EMB: variants seen among roughly 807,000 people sequenced by gnomAD.
EMB encodes embigin homolog.
A neutral mutation model predicts 41.4 loss-of-function variants in EMB; 31 were observed. That is an observed-to-expected ratio of 0.75 (90% confidence interval 0.56 to 1.01). EMB has a LOEUF of 1.01. Among genes scored for constraint, EMB ranks in the 50% least tolerant of loss-of-function variants. The pLI, the probability that EMB is intolerant of heterozygous loss-of-function variation, is 0.00. For synonymous variants in EMB, 137 were observed against 140.4 expected (o/e 0.98, Z 0.17); for missense variants, 379 against 388.3 (o/e 0.98, Z 0.20).
At chr5:50,421,519 A>G (rs1378919447) in intron 2 of EMB, among the ~76,000 whole-genome samples, 1 of 152,116 alleles carries the variant, frequency 6.6e-6, no homozygotes, top group Non-Finnish European at 1.5e-5. Context: ...TAGAAATACC[A>G]TTTGACCCAG....
rs535962998 is a variant in EMB at position 50,438,897 on chromosome 5, TCCTA to T, written c.112+2139_112+2142del. Among the ~76,000 whole-genome samples the T allele has an allele frequency of 1.8e-3, 278 of 151,056 alleles. 1 individual carries two copies. Among genetic ancestry groups the T allele is most frequent in the African/African-American group, 6.3e-3 (261 of 41,200 alleles). ...TTCATTTATTCCACTTTCATTTGTT[TCCTA>T]CCTTTTTTTTTTTTTTTCCTTTAGA... On this transcript the variant is annotated intron_variant, in intron 1 of 8. Transcript: ENST00000303221.
intron 1 of EMB, among the ~76,000 whole-genome samples, chr5:50,431,316 T>A (rs1745717262): frequency 6.6e-6 from 1 of 152,170 alleles, no homozygotes; most frequent in Non-Finnish European, 1.5e-5. Context: ...TAGGCAAGAT[T>A]TTTTTAACCA....
At chr5:50,436,570 C>T (rs1292046756) in intron 1 of EMB, among the ~76,000 whole-genome samples, 1 of 152,200 alleles carries the variant, frequency 6.6e-6, no homozygotes, top group African/African-American at 2.4e-5. Context: ...TCAAACATCA[C>T]CCATCTGCTG....
chr5:50,400,262 T>C, intron 7 of EMB, among the ~76,000 whole-genome samples: 1 of 152,116 alleles, frequency 6.6e-6, no homozygotes, highest in South Asian at 2.1e-4. Context: ...TGTGTGATAT[T>C]GGTGCTATAC....
intron 2 of EMB, among the ~76,000 whole-genome samples, chr5:50,419,749 A>G (rs1745487417): frequency 6.6e-6 from 1 of 152,184 alleles, no homozygotes; most frequent in East Asian, 1.9e-4. Context: ...TTGCAGCACT[A>G]TTCACGACAG....
intron 2 of EMB, among the ~76,000 whole-genome samples, chr5:50,417,721 G>C (rs1745452802): frequency 6.6e-6 from 1 of 152,144 alleles, no homozygotes; most frequent in Non-Finnish European, 1.5e-5. Flanking sequence ...GAACTATGTG[G>C]CTGGTGTTAT....
rs749613196 is a variant in EMB at position 50,403,343 on chromosome 5, G to C, written c.712C>G (p.Arg238Gly). The C allele has an allele frequency of 6.2e-7, 1 of 1,612,684 alleles. No individual in the cohort carries two copies. Among genetic ancestry groups the C allele is most frequent in the Non-Finnish European group, 8.5e-7 (1 of 1,179,194 alleles). Residue 238 changes from arginine (R) to glycine (G), a missense_variant, in exon 6 of 9, where the codon CGT becomes GGT. By Grantham distance (125) the Arg-to-Gly change is moderately radical. Coordinates refer to ENST00000303221, the MANE Select transcript of EMB (RefSeq NM_198449.3). ...CTCTCGCCTAATTGGAATAGTGCACGGCACCAGTAAGATTCCCCATCTTCC... is the reference window on the plus strand; with the variant it reads ...CTCTCGCCTAATTGGAATAGTGCACCGCACCAGTAAGATTCCCCATCTTCC... ...LEEDGESYWC[R>G]ALFQLGESEE...
chr5:50,422,095 T>A (rs1188597571), intron 2 of EMB, among the ~76,000 whole-genome samples: 1 of 152,178 alleles, frequency 6.6e-6, no homozygotes, highest in Non-Finnish European at 1.5e-5. Flanking sequence ...AAAATCTGTT[T>A]TTTTAAAAAG....
chr5:50,407,988 CT>C (rs2111785199), intron 4 of EMB, among the ~76,000 whole-genome samples: 1 of 152,068 alleles, frequency 6.6e-6, no homozygotes, highest in South Asian at 2.1e-4. Flanking sequence ...TTAGGTACCA[CT>C]AAATTAGGAA....
chr5:50,399,236 T>C lies in EMB; in HGVS notation c.*37A>G, dbSNP rs757508909. ...AAACAAAGCTGAAATACGAACTCTG[T>C]ATATCTTCCAATGATTCTCGACATG... On this transcript the variant is annotated 3_prime_UTR_variant, in exon 9 of 9. Transcript: ENST00000303221. 5 of 1,606,938 alleles carry C rather than the reference T, an allele frequency of 3.1e-6. No homozygotes were observed. The highest frequency in any genetic ancestry group is 3.4e-6 in the Non-Finnish European group (4 of 1,176,240).
In EMB at chr5:50,399,316, T is replaced by C. The variant is rs193193378; in HGVS notation, c.967-26A>G. The C allele has an allele frequency of 6.4e-4, 1,023 of 1,604,916 alleles. 3 individuals carry two copies. The African/African-American group carries it at 0.013, about 20-fold the overall frequency. On this transcript the variant is annotated intron_variant, in intron 8 of 8. Transcript: ENST00000303221. ...CTGAGTTAAATAAAGCATAATCAAATATAATTAGTATGTTCTGGTTATTTT... is the reference window on the plus strand; with the variant it reads ...CTGAGTTAAATAAAGCATAATCAAACATAATTAGTATGTTCTGGTTATTTT...
At chr5:50,415,333 C>T in intron 2 of EMB, among the ~76,000 whole-genome samples, 1 of 152,068 alleles carries the variant, frequency 6.6e-6, no homozygotes, top group East Asian at 1.9e-4. Context: ...TGTTTAACTG[C>T]CTTGATTCTA....
intron 6 of EMB, 109 bp downstream of exon 6, chr5:50,403,067 TAA>T (rs1745190738): frequency 1.9e-6 from 2 of 1,047,622 alleles, no homozygotes; most frequent in Non-Finnish European, 2.7e-6. Context: ...CCAAAAATCC[TAA>T]AGTCATTGCA....
intron 1 of EMB, among the ~76,000 whole-genome samples, chr5:50,431,076 A>C (rs1307323181): frequency 6.6e-6 from 1 of 152,220 alleles, no homozygotes; most frequent in Non-Finnish European, 1.5e-5. Flanking sequence ...TCAGACATCC[A>C]TAAACCAAAC....
chr5:50,422,834 G>A (rs947927698), intron 2 of EMB, among the ~76,000 whole-genome samples: 10 of 152,056 alleles, frequency 6.6e-5, no homozygotes, highest in Non-Finnish European at 7.4e-5. Context: ...AGCCTAGTAC[G>A]TGGGTCAGGG....
At chr5:50,412,576 GC>G (rs1745359358) in intron 2 of EMB, among the ~76,000 whole-genome samples, 1 of 151,774 alleles carries the variant, frequency 6.6e-6, no homozygotes, top group Non-Finnish European at 1.5e-5. Flanking sequence ...TCCATAAGCT[GC>G]CTTTCTCTCC....
At position 50,402,247 on chromosome 5, in the gene EMB, T is replaced by C. The variant is rs369486944; in HGVS notation, c.911+39A>G. On this transcript the variant is annotated intron_variant, in intron 7 of 8. Coordinates refer to ENST00000303221, the MANE Select transcript of EMB (RefSeq NM_198449.3). Reference sequence around the variant, plus strand: ...TTCAATTTTATGTTTCCCTGTATTTTACCCAAGTGAAAATTAATCTGTAAA... The same window carrying C: ...TTCAATTTTATGTTTCCCTGTATTTCACCCAAGTGAAAATTAATCTGTAAA... 11 of 1,589,950 alleles carry C rather than the reference T, an allele frequency of 6.9e-6. No individual in the cohort carries two copies. The African/African-American group carries it at 9.4e-5, about 14-fold the overall frequency.
intron 1 of EMB, among the ~76,000 whole-genome samples, chr5:50,433,943 CCT>C (rs1292376736): frequency 3.3e-5 from 5 of 152,116 alleles, no homozygotes; most frequent in Non-Finnish European, 7.4e-5. Flanking sequence ...CCAATATCTG[CCT>C]CTGTCTTTAC....
chr5:50,425,634 GA>G (rs1458614620), intron 2 of EMB, among the ~76,000 whole-genome samples: 1 of 151,880 alleles, frequency 6.6e-6, no homozygotes, highest in African/African-American at 2.4e-5. Context: ...TCTGAGAGCA[GA>G]AAAAATACTT....
Sources: allele counts gnomAD v4.1 joint callset (sites outside exome capture counted in the v4.1 genomes callset), GRCh38; gene constraint gnomAD v4.1.1; transcripts MANE v1.5; gene names NCBI Gene and HGNC (gene_info 2026-07-23, HGNC 2026-07-21).